The following CPQ variants were observed in gnomAD, a reference collection of about 807,000 sequenced individuals.
The protein encoded by CPQ is carboxypeptidase Q, also known as Ser-Met dipeptidase.
CPQ carries 37 observed loss-of-function variants against 45.7 expected under a neutral mutation model. That is an observed-to-expected ratio of 0.81 (90% CI 0.62 to 1.07). CPQ has a LOEUF of 1.07. Among genes scored for constraint, CPQ ranks in the 50% least tolerant of loss-of-function variants. The pLI is 0.00. For synonymous variants in CPQ, 186 were observed against 205.8 expected (o/e 0.90, Z 0.82); for missense variants, 537 against 572.9 (o/e 0.94, Z 0.64).
At chr8:97,079,701 CT>C (rs910090908) in intron 7 of CPQ, among the ~76,000 whole-genome samples, 2 of 152,102 alleles carry the variant, frequency 1.3e-5, no homozygotes, top group African/African-American at 4.8e-5. Flanking sequence ...AGGTATTAAA[CT>C]GCCGGGGCCT....
intron 1 of CPQ, among the ~76,000 whole-genome samples, chr8:96,779,329 G>A (rs1422713032): frequency 5.9e-5 from 9 of 152,004 alleles, no homozygotes; most frequent in Admixed American, 5.9e-4. Context: ...CTCTATGCAT[G>A]AGAATGTTTG....
intron 1 of CPQ, among the ~76,000 whole-genome samples, chr8:96,767,548 T>C (rs529211377): frequency 5.6e-4 from 84 of 150,150 alleles, no homozygotes; most frequent in African/African-American, 2.1e-3. Flanking sequence ...CCTACTCCCC[T>C]GATAAATATG....
Position 97,039,729 on chromosome 8 carries a change from T to C in CPQ, c.1053+10235T>C, listed in dbSNP as rs1287510468. ...ATTCCCACCTATGAGTAAGAACATG[T>C]GGTGTTTGGTTTTTTGTCCTTGCGA... On this transcript the variant is annotated intron_variant, in intron 6 of 7. Coordinates refer to ENST00000220763, the MANE Select transcript of CPQ (RefSeq NM_016134.4). 3.3e-5 allele frequency among the ~76,000 whole-genome samples: 5 copies of C among 151,336 alleles called. No individual in the cohort carries two copies. The East Asian group carries it at 9.7e-4, about 29-fold the overall frequency.
chr8:96,758,813 T>C (rs988619406), intron 1 of CPQ, among the ~76,000 whole-genome samples: 2 of 152,178 alleles, frequency 1.3e-5, no homozygotes, highest in Non-Finnish European at 2.9e-5. Context: ...TCCCAGTCTT[T>C]TTATGTCCAA....
In CPQ at chr8:97,134,828, T is replaced by C. The variant is rs575071746; in HGVS notation, c.1256-8192T>C. 1.6e-3 allele frequency among the ~76,000 whole-genome samples: 240 copies of C among 152,276 alleles called. 1 individual carries two copies. The highest frequency in any genetic ancestry group is 5.2e-3 in the African/African-American group (217 of 41,558). On this transcript the variant is annotated intron_variant, in intron 7 of 7. Coordinates refer to ENST00000220763, the MANE Select transcript of CPQ (RefSeq NM_016134.4). The stretch of plus-strand genomic sequence containing the variant: ...CATCTGTTAAAGACACATGAAGATC[T>C]CTCCCTCATAGGGCCAATTCAATGA...
Position 96,707,624 on chromosome 8 carries a change from T to G in CPQ, c.-35+62222T>G, listed in dbSNP as rs575303263. ...CTTTCTACTGGTATTACAAAAAAAT[T>G]ACCATGGACTTACTGGCTTAAACAA... On this transcript the variant is annotated intron_variant, in intron 1 of 7. Coordinates refer to ENST00000220763, the MANE Select transcript of CPQ (RefSeq NM_016134.4). 3.9e-5 allele frequency among the ~76,000 whole-genome samples: 6 copies of G among 152,026 alleles called. No individual in the cohort carries two copies. The South Asian group carries it at 1.2e-3, about 32-fold the overall frequency.
chr8:96,998,513 GAGAAAAT>G (rs1166937954), intron 5 of CPQ, among the ~76,000 whole-genome samples: 1 of 151,894 alleles, frequency 6.6e-6, no homozygotes, highest in Non-Finnish European at 1.5e-5. Context: ...GTTCCAGTGG[GAGAAAAT>G]AGAGAAAATT....
chr8:96,988,430 G>A (rs1366475383), intron 5 of CPQ, among the ~76,000 whole-genome samples: 1 of 151,998 alleles, frequency 6.6e-6, no homozygotes, highest in Non-Finnish European at 1.5e-5. Context: ...TTCAGACTGG[G>A]AAAAAATGTA....
At chr8:97,082,417 G>A (rs573758181) in intron 7 of CPQ, among the ~76,000 whole-genome samples, 3 of 152,264 alleles carry the variant, frequency 2.0e-5, no homozygotes, top group Non-Finnish European at 4.4e-5. Flanking sequence ...TCATTAAAAC[G>A]GGGAGAAGGA....
chr8:96,785,022 G>A lies in CPQ; in HGVS notation c.125G>A (p.Ser42Asn). Reference sequence around the variant, plus strand: ...GAAGAAATAAAAGAAGAAATAGCCAGCTGTGGAGATGTTGCTAAAGCAATC... The same window carrying A: ...GAAGAAATAAAAGAAGAAATAGCCAACTGTGGAGATGTTGCTAAAGCAATC... Reference protein sequence around the residue: ...TFEEIKEEIASCGDVAKAIIN... With the variant: ...TFEEIKEEIANCGDVAKAIIN... Residue 42 changes from serine (S) to asparagine (N), a missense_variant, in exon 2 of 8, where the codon AGC (serine) becomes AAC (asparagine). By Grantham distance (46) the Ser-to-Asn change is conservative (BLOSUM62 1). Coordinates refer to ENST00000220763, the MANE Select transcript of CPQ (RefSeq NM_016134.4). 6.2e-7 allele frequency: 1 copy of A among 1,613,798 alleles called. No homozygotes were observed.
chr8:97,079,270 G>T (rs973920120), intron 7 of CPQ, among the ~76,000 whole-genome samples: 5 of 152,034 alleles, frequency 3.3e-5, no homozygotes, highest in African/African-American at 1.2e-4. Context: ...GGATACTATT[G>T]CCTGTTCTTT....
intron 1 of CPQ, among the ~76,000 whole-genome samples, chr8:96,667,950 C>A (rs1440992964): frequency 6.6e-6 from 1 of 152,024 alleles, no homozygotes; most frequent in African/African-American, 2.4e-5. Context: ...CTTCTGAGGG[C>A]AGGGATCCTG....
At chr8:97,101,011 G>A (rs913236411) in intron 7 of CPQ, among the ~76,000 whole-genome samples, 5 of 152,052 alleles carry the variant, frequency 3.3e-5, no homozygotes, top group Non-Finnish European at 5.9e-5. Flanking sequence ...GTAAAGATCC[G>A]TTCAGTCACT....
At chr8:97,097,999 C>A (rs1294176146) in intron 7 of CPQ, among the ~76,000 whole-genome samples, 1 of 152,162 alleles carries the variant, frequency 6.6e-6, no homozygotes, top group Non-Finnish European at 1.5e-5. Context: ...ATTTGTTGAA[C>A]ATACAGCATT....
Position 97,082,253 on chromosome 8 carries a change from T to TC in CPQ, c.1255+16049dup, listed in dbSNP as rs1184299282. Among the ~76,000 whole-genome samples, 5 of 152,026 alleles carry TC rather than the reference T, an allele frequency of 3.3e-5. No homozygotes were observed. The East Asian group carries it at 9.6e-4, about 29-fold the overall frequency. On this transcript the variant is annotated intron_variant, in intron 7 of 7. Coordinates refer to ENST00000220763, the MANE Select transcript of CPQ (RefSeq NM_016134.4). ...GTGCTTGCATTCTCTCAGCCCAACT[T>TC]CCCCCCTTGGGGTAAACCATGACCA...
intron 7 of CPQ, among the ~76,000 whole-genome samples, chr8:97,095,343 T>C (rs979497403): frequency 2.6e-5 from 4 of 152,222 alleles, no homozygotes; most frequent in African/African-American, 9.6e-5. Context: ...AACTTGGCAT[T>C]GACTTAGACT....
Position 96,880,518 on chromosome 8 carries a change from CATAT to C in CPQ, c.849+569_849+572del, listed in dbSNP as rs200512558. On this transcript the variant is annotated intron_variant, in intron 4 of 7. Coordinates refer to ENST00000220763, the MANE Select transcript of CPQ (RefSeq NM_016134.4). ...GCTGGCTAAAAAACAAATATATGGT[CATAT>C]ATATATATATATATATATATATATA... Among the ~76,000 whole-genome samples, 53 of 97,192 alleles carry C rather than the reference CATAT, an allele frequency of 5.5e-4. 1 individual carries two copies. Among genetic ancestry groups the C allele is most frequent in the East Asian group, 1.1e-3 (4 of 3,608 alleles). 63.8% of individuals were successfully genotyped at this position (97,192 alleles called of 152,430 possible).
chr8:97,086,646 T>A lies in CPQ; in HGVS notation c.1255+20436T>A, dbSNP rs186886564. On this transcript the variant is annotated intron_variant, in intron 7 of 7. Coordinates refer to ENST00000220763, the MANE Select transcript of CPQ (RefSeq NM_016134.4). The stretch of plus-strand genomic sequence containing the variant: ...CCCACCCTCACACACAGAAAACCAC[T>A]TGGGGGCTGACTTACCTGGATTTGT... Among the ~76,000 whole-genome samples, 20 of 152,270 alleles carry A rather than the reference T, an allele frequency of 1.3e-4. No individual in the cohort carries two copies. In the East Asian group the frequency reaches 3.7e-3, roughly 28 times the overall value.
At position 96,712,945 on chromosome 8, in the gene CPQ, G is replaced by A. The variant is rs187940239; in HGVS notation, c.-35+67543G>A. Among the ~76,000 whole-genome samples, 187 of 151,842 alleles carry A rather than the reference G, an allele frequency of 1.2e-3. 1 individual carries two copies. The highest frequency in any genetic ancestry group is 4.1e-3 in the African/African-American group (170 of 41,376). ...TTTTATGCTCTGCTTCCTCTTGATC[G>A]CTTTGCCCCTTAGGAGTTTTTTCTG... is the stretch of plus-strand genomic sequence containing the variant. On this transcript the variant is annotated intron_variant, in intron 1 of 7. Coordinates refer to ENST00000220763, the MANE Select transcript of CPQ (RefSeq NM_016134.4).
Sources: gnomAD v4.1 joint callset for allele counts (sites outside exome capture counted in the v4.1 genomes callset) on GRCh38, gnomAD v4.1.1 for gene constraint, MANE v1.5 for transcripts, NCBI Gene and HGNC (gene_info 2026-07-23, HGNC 2026-07-21) for gene names.